The following DCTN5 variants were observed in gnomAD, a reference collection of about 807,000 sequenced individuals.
DCTN5 encodes dynactin 4.
A neutral mutation model predicts 23.5 loss-of-function variants in DCTN5; 14 were observed. The observed-to-expected ratio is 0.60, with a 90% CI of 0.39 to 0.93. The LOEUF is 0.93. DCTN5 is among the 40% of genes least tolerant of loss of function. The pLI is 0.00. For synonymous variants in DCTN5, 67 were observed against 79.6 expected, an observed-to-expected ratio of 0.84 and a Z score of 0.84; for missense variants, 156 against 225.9, an observed-to-expected ratio of 0.69 and a Z score of 1.98.
intron 1 of DCTN5, 145 bp downstream of exon 1, chr16:23,641,735 G>C: frequency 2.4e-6 from 2 of 843,010 alleles, no homozygotes; most frequent in Non-Finnish European, 3.8e-6. Flanking sequence ...CCCGTGTACC[G>C]TCTGGCTTTG....
chr16:23,642,432 C>T (rs1252443212), intron 1 of DCTN5, among the ~76,000 whole-genome samples: 2 of 152,202 alleles, frequency 1.3e-5, no homozygotes, highest in African/African-American at 4.8e-5. Context: ...CTGATGCCAC[C>T]AAGCTATAGA....
At chr16:23,654,814 C>G (rs1303519618) in intron 2 of DCTN5, among the ~76,000 whole-genome samples, 1 of 152,102 alleles carries the variant, frequency 6.6e-6, no homozygotes, top group Non-Finnish European at 1.5e-5. Context: ...TTGAAATCTG[C>G]TTTTTTAGTG....
chr16:23,650,868 G>A, intron 2 of DCTN5: 1 of 1,420,956 alleles, frequency 7.0e-7, no homozygotes, highest in Non-Finnish European at 9.6e-7. Context: ...AGAGAGTGGT[G>A]GGGCCTGGTG....
At chr16:23,656,739 C>T (rs574893628) in intron 2 of DCTN5, among the ~76,000 whole-genome samples, 2 of 152,170 alleles carry the variant, frequency 1.3e-5, no homozygotes, top group Admixed American at 1.3e-4. Flanking sequence ...CTCAGTGGCT[C>T]ATGCCTATAA....
At chr16:23,654,235 T>C (rs1967658204) in intron 2 of DCTN5, among the ~76,000 whole-genome samples, 1 of 152,196 alleles carries the variant, frequency 6.6e-6, no homozygotes, top group Non-Finnish European at 1.5e-5. Context: ...ATATATTCAT[T>C]GCAACACTGT....
Position 23,667,957 on chromosome 16 carries a change from C to T in DCTN5, c.*813C>T, listed in dbSNP as rs1271214880. On this transcript the variant is annotated 3_prime_UTR_variant, in exon 6 of 6. Transcript: ENST00000300087. ...GCATTTGTGAACTCTTGCTTCCTGG[C>T]CTAGAACCATTCAGCCTACCCTGTA... 6.6e-6 allele frequency: 1 copy of T among 152,194 alleles called. No individual in the cohort carries two copies. The highest frequency in any genetic ancestry group is 1.5e-5 in the Non-Finnish European group (1 of 68,060). 9.4% of individuals were successfully genotyped at this position (152,194 alleles called of 1,614,324 possible). A position where few individuals can be genotyped will look rare whatever the true frequency, so the allele number is the denominator to read the frequency against.
chr16:23,673,789 G>A lies in DCTN5; in HGVS notation c.*6645G>A, dbSNP rs1302557079. 1.3e-5 allele frequency: 2 copies of A among 152,182 alleles called. No homozygotes were observed. Among genetic ancestry groups the A allele is most frequent in the Admixed American group, 6.5e-5 (1 of 15,276 alleles). 9.4% of individuals were successfully genotyped at this position (152,182 alleles called of 1,614,324 possible). ...TAACTGATTATTTTTGCTGTGATTCGTGCTTACTGGAGCCTCGGGAAAGAG... is the reference window on the plus strand; with the variant it reads ...TAACTGATTATTTTTGCTGTGATTCATGCTTACTGGAGCCTCGGGAAAGAG... On this transcript the variant is annotated 3_prime_UTR_variant, in exon 6 of 6. Transcript: ENST00000300087.
chr16:23,642,228 C>T (rs1967298388), intron 1 of DCTN5, among the ~76,000 whole-genome samples: 1 of 152,186 alleles, frequency 6.6e-6, no homozygotes, highest in Non-Finnish European at 1.5e-5. Context: ...CCACCGCACC[C>T]TGCCGATTTG....
At chr16:23,653,809 A>G (rs936458152) in intron 2 of DCTN5, among the ~76,000 whole-genome samples, 2 of 152,252 alleles carry the variant, frequency 1.3e-5, no homozygotes, top group Non-Finnish European at 1.5e-5. Context: ...GCATCTGACA[A>G]AGGTCTAATA....
At position 23,669,417 on chromosome 16, in the gene DCTN5, T is replaced by TA. The variant is rs1269403925; in HGVS notation, c.*2278dup. ...GTGGCCCCACAGCACCAGTTATTGA[T>TA]AAAAAGAGCTCCCCTTTGCTGACAG... is the stretch of plus-strand genomic sequence containing the variant. On this transcript the variant is annotated 3_prime_UTR_variant, in exon 6 of 6. Transcript: ENST00000300087. The TA allele has an allele frequency of 6.6e-6, 1 of 152,236 alleles. No homozygotes were observed. The highest frequency in any genetic ancestry group is 2.4e-5 in the African/African-American group (1 of 41,428). The allele number at this position is 152,236 out of a possible 1,614,324, so 9.4% of individuals were successfully genotyped here.
intron 1 of DCTN5, 38 bp from the exon 2 acceptor site, chr16:23,642,917 A>C: frequency 6.3e-7 from 1 of 1,582,526 alleles, no homozygotes; most frequent in Non-Finnish European, 8.7e-7. Context: ...GAAACCTATT[A>C]AGTTTGCTTT....
Position 23,669,231 on chromosome 16 carries a change from C to G in DCTN5, c.*2087C>G, listed in dbSNP as rs569222223. 9.2e-5 allele frequency: 14 copies of G among 152,424 alleles called. No homozygotes were observed. The East Asian group carries it at 2.7e-3, about 29-fold the overall frequency. 9.4% of individuals were successfully genotyped at this position (152,424 alleles called of 1,614,324 possible). On this transcript the variant is annotated 3_prime_UTR_variant, in exon 6 of 6. Coordinates refer to ENST00000300087, the MANE Select transcript of DCTN5 (RefSeq NM_032486.4). ...GGAAGGACCTTGGTTGGGACTCTTT[C>G]CAGTTCACTTGGGGCAGAGGGAATT...
At chr16:23,662,356 G>A (rs1967830062) in intron 4 of DCTN5, among the ~76,000 whole-genome samples, 2 of 152,130 alleles carry the variant, frequency 1.3e-5, no homozygotes, top group African/African-American at 4.8e-5. Flanking sequence ...GTAGGACCCT[G>A]GTCCATTGGA....
At chr16:23,646,658 C>T (rs1181142668) in intron 2 of DCTN5, among the ~76,000 whole-genome samples, 1 of 151,974 alleles carries the variant, frequency 6.6e-6, no homozygotes, top group Non-Finnish European at 1.5e-5. Context: ...CTCACTGCAA[C>T]CTCCGCCTCC....
chr16:23,673,348 CA>C lies in DCTN5; in HGVS notation c.*6206del, dbSNP rs1968042279. On this transcript the variant is annotated 3_prime_UTR_variant, in exon 6 of 6. Coordinates refer to ENST00000300087, the MANE Select transcript of DCTN5 (RefSeq NM_032486.4). ...CAGACTAGTCTTGAACTCCTGGGCT[CA>C]AGCGATCTTGGCCTCCCTAAGTGCT... The C allele has an allele frequency of 6.6e-6, 1 of 152,148 alleles. No individual in the cohort carries two copies. Among genetic ancestry groups the C allele is most frequent in the East Asian group, 1.9e-4 (1 of 5,190 alleles). 9.4% of individuals were successfully genotyped at this position (152,148 alleles called of 1,614,324 possible). A position where few individuals can be genotyped will look rare whatever the true frequency, so the allele number is the denominator to read the frequency against.
rs115041957 is a variant in DCTN5, at chr16:23,662,268, G to A, written c.348+987G>A. Among the ~76,000 whole-genome samples, 509 of 152,238 alleles carry A rather than the reference G, an allele frequency of 3.3e-3. 2 individuals carry two copies. Among genetic ancestry groups the A allele is most frequent in the African/African-American group, 9.8e-3 (405 of 41,534 alleles). ...CATTTCAGGAAAGAGATTCACATGC[G>A]TAAGGAAGGGTTCAAGTCATCAAAG... is the stretch of plus-strand genomic sequence containing the variant. On this transcript the variant is annotated intron_variant, in intron 4 of 5. Transcript: ENST00000300087.
intron 3 of DCTN5, among the ~76,000 whole-genome samples, chr16:23,659,174 T>C (rs918154935): frequency 6.6e-6 from 1 of 152,136 alleles, no homozygotes; most frequent in African/African-American, 2.4e-5. Context: ...ACTTCCAAAC[T>C]CTTGAGAGAG....
chr16:23,672,186 T>C lies in DCTN5; in HGVS notation c.*5042T>C, dbSNP rs1056207694. Reference sequence around the variant, plus strand: ...AAAGGCCTGTGAGAGACTCTGAGCTTCCTGGGAACAGGTATAGGTTCTTTT... The same window carrying C: ...AAAGGCCTGTGAGAGACTCTGAGCTCCCTGGGAACAGGTATAGGTTCTTTT... On this transcript the variant is annotated 3_prime_UTR_variant, in exon 6 of 6. Transcript: ENST00000300087. 3 of 152,194 alleles carry C rather than the reference T, an allele frequency of 2.0e-5. No individual in the cohort carries two copies. The highest frequency in any genetic ancestry group is 7.2e-5 in the African/African-American group (3 of 41,440). The allele number at this position is 152,194 out of a possible 1,614,324, so 9.4% of individuals were successfully genotyped here. A position where few individuals can be genotyped will look rare whatever the true frequency, so the allele number is the denominator to read the frequency against.
intron 2 of DCTN5, among the ~76,000 whole-genome samples, chr16:23,652,542 A>G (rs1170969070): frequency 6.6e-6 from 1 of 152,176 alleles, no homozygotes; most frequent in African/African-American, 2.4e-5. Context: ...ATCCATTTTG[A>G]GTGTGCAGTT....
Sources: allele counts gnomAD v4.1 joint callset (sites outside exome capture counted in the v4.1 genomes callset), GRCh38; gene constraint gnomAD v4.1.1; transcripts MANE v1.5; gene names NCBI Gene and HGNC (gene_info 2026-07-23, HGNC 2026-07-21).